ARHGEF10L: variants seen among roughly 807,000 people sequenced by gnomAD.
ARHGEF10L encodes the protein Rho guanine nucleotide exchange factor 10 like, also known as rho guanine nucleotide exchange factor 10-like protein.
In ARHGEF10L, 69 loss-of-function variants were observed where a neutral mutation model predicts 141.2. That is an observed-to-expected ratio of 0.49 (90% CI 0.40 to 0.60). The LOEUF is 0.60. Among genes scored for constraint, ARHGEF10L ranks in the 20% least tolerant of loss-of-function variants. The probability of loss-of-function intolerance (pLI) is 0.00; values close to 1 mark genes in which losing one functional copy is unlikely to be tolerated. For missense variants in ARHGEF10L, 1,482 were observed against 1,734.3 expected, an observed-to-expected ratio of 0.85 and a Z score of 2.58; for synonymous variants, 711 against 718.5, an observed-to-expected ratio of 0.99 and a Z score of 0.17.
In ARHGEF10L at chr1:17,619,026, G is replaced by A. The variant is rs1331676152; in HGVS notation, c.836-313G>A. ...AGGCCAGAGCGGGCGGGCCTGAGCAGGGACAGTGGCTTCTGGCAGCATGGA... is the reference window on the plus strand; with the variant it reads ...AGGCCAGAGCGGGCGGGCCTGAGCAAGGACAGTGGCTTCTGGCAGCATGGA... On this transcript the variant is annotated intron_variant, in intron 9 of 28. Transcript: ENST00000361221. The surrounding 1 kb of genome is among the most constrained non-coding windows in gnomAD (Gnocchi z 5.0). Among the ~76,000 whole-genome samples, 3 of 152,232 alleles carry A rather than the reference G, an allele frequency of 2.0e-5. No homozygotes were observed. Among genetic ancestry groups the A allele is most frequent in the African/African-American group, 7.2e-5 (3 of 41,460 alleles).
At chr1:17,686,647 G>A (rs2064626952) in intron 26 of ARHGEF10L, among the ~76,000 whole-genome samples, 1 of 152,200 alleles carries the variant, frequency 6.6e-6, no homozygotes, top group South Asian at 2.1e-4. Flanking sequence ...GGGTGCGGCT[G>A]TGTGGTACAT....
chr1:17,615,849 C>T lies in ARHGEF10L; in HGVS notation c.727-245C>T. On this transcript the variant is annotated intron_variant, in intron 8 of 28. Coordinates refer to ENST00000361221, the MANE Select transcript of ARHGEF10L (RefSeq NM_018125.4). This position sits in a 1 kb window ranked among gnomAD's most constrained non-coding sequence, Gnocchi z 4.7. ...ATCTCCTGGATTAGAAATCTGCTCA[C>T]ATAGTCTGTCCTGAAAGGAAAAAAA... is the stretch of plus-strand genomic sequence containing the variant. The T allele has an allele frequency of 2.2e-6, 1 of 447,688 alleles. No homozygotes were observed. Among genetic ancestry groups the T allele is most frequent in the Non-Finnish European group, 4.1e-6 (1 of 242,518 alleles). The allele number at this position is 447,688 out of a possible 1,614,324, so 27.7% of individuals were successfully genotyped here.
rs1346992932 is a variant in ARHGEF10L at position 17,622,994 on chromosome 1, A to G, written c.1021-2A>G. ...GCGGCCTCACCCCGCCCTCCCCGGC[A>G]GGACTACCGCAACCCCCTGATGGAG... On this transcript the variant is annotated splice_acceptor_variant, in intron 11 of 28. Coordinates refer to ENST00000361221, the MANE Select transcript of ARHGEF10L (RefSeq NM_018125.4). LOFTEE classifies it high-confidence loss of function. 1 of 1,611,036 alleles carries G rather than the reference A, an allele frequency of 6.2e-7. No individual in the cohort carries two copies. The highest frequency in any genetic ancestry group is 8.5e-7 in the Non-Finnish European group (1 of 1,179,160).
chr1:17,519,399 C>T, the ARHGEF10L span, among the ~76,000 whole-genome samples: 7 of 151,458 alleles, frequency 4.6e-5, no homozygotes, highest in African/African-American at 1.7e-4. Context: ...CACTTGAACC[C>T]AGGAGTTCGA....
rs890570022 is a variant in ARHGEF10L at position 17,619,873 on chromosome 1, C to A, written c.942+428C>A. Among the ~76,000 whole-genome samples the A allele has an allele frequency of 1.3e-5, 2 of 152,218 alleles. No individual in the cohort carries two copies. Among genetic ancestry groups the A allele is most frequent in the South Asian group, 4.2e-4 (2 of 4,814 alleles). On this transcript the variant is annotated intron_variant, in intron 10 of 28. Coordinates refer to ENST00000361221, the MANE Select transcript of ARHGEF10L (RefSeq NM_018125.4). This position sits in a 1 kb window ranked among gnomAD's most constrained non-coding sequence, Gnocchi z 5.0. Reference sequence around the variant, plus strand: ...GCCTCAGAGCTGCCACAAGCTCCCACCAGGAACTGAGGCTCTTTAAGAATG... The same window carrying A: ...GCCTCAGAGCTGCCACAAGCTCCCAACAGGAACTGAGGCTCTTTAAGAATG...
At chr1:17,592,862 C>T (rs767047214) in intron 4 of ARHGEF10L, among the ~76,000 whole-genome samples, 10 of 152,300 alleles carry the variant, frequency 6.6e-5, no homozygotes, top group South Asian at 4.1e-4. Context: ...ACCGGCTCTC[C>T]GCCCATGGAG....
rs1027618290 is a variant in ARHGEF10L, at chr1:17,684,154, T to C, written c.3010-3419T>C. Among the ~76,000 whole-genome samples, 9 of 152,338 alleles carry C rather than the reference T, an allele frequency of 5.9e-5. 1 individual carries two copies. In the South Asian group the frequency reaches 1.5e-3, roughly 25 times the overall value. Reference sequence around the variant, plus strand: ...GACAGCAGGTGCTGAAGGGGTCCCCTTGGCCTCACTGTCCTCATCTGTGAT... The same window carrying C: ...GACAGCAGGTGCTGAAGGGGTCCCCCTGGCCTCACTGTCCTCATCTGTGAT... On this transcript the variant is annotated intron_variant, in intron 26 of 28. Coordinates refer to ENST00000361221, the MANE Select transcript of ARHGEF10L (RefSeq NM_018125.4).
chr1:17,603,545 G>A lies in ARHGEF10L; in HGVS notation c.387G>A (p.Val129=). The part of the protein sequence containing the change: ...RFTFPALEED[V]IYDDVPCESP... The stretch of plus-strand genomic sequence containing the variant: ...CTTTCCCCGCCCTGGAAGAGGATGT[G>A]ATTTATGACGACGTCCCCTGCGAGA... The change falls in exon 6 of 29, where the codon GTG becomes GTA. Residue 129 remains valine (V), a synonymous_variant. Transcript: ENST00000361221. The surrounding 1 kb of genome is among the most constrained non-coding windows in gnomAD (Gnocchi z 4.8). The A allele has an allele frequency of 6.2e-7, 1 of 1,613,796 alleles. No individual in the cohort carries two copies.
intron 1 of ARHGEF10L, among the ~76,000 whole-genome samples, chr1:17,548,272 A>G (rs1439377692): frequency 2.0e-5 from 3 of 152,208 alleles, no homozygotes; most frequent in Non-Finnish European, 1.5e-5. Context: ...TACTATATAT[A>G]TGTATTTTTT....
Position 17,655,900 on chromosome 1 carries a change from G to T in ARHGEF10L, c.2503G>T (p.Ala835Ser), listed in dbSNP as rs763005960. Residue 835 changes from alanine to serine, a missense_variant, in exon 24 of 29, where the codon GCA becomes TCA. Ala to Ser is a moderately conservative substitution (Grantham distance 99). This residue lies in a region of ARHGEF10L where 858 missense variants were observed against 966.3 expected (regional missense o/e 0.89). Transcript: ENST00000361221. ...CCAGGTCGGGGGCGGACAGGAAGGC[G>T]CAGGGGGCCAGGTGGAAATCTTTTC... is the stretch of plus-strand genomic sequence containing the variant. ...YLWVGGGQEGAGGQVEIFSLN... is the reference protein window; with the variant it reads ...YLWVGGGQEGSGGQVEIFSLN... 3.2e-6 allele frequency: 5 copies of T among 1,555,180 alleles called. No homozygotes were observed. The highest frequency in any genetic ancestry group is 4.4e-6 in the Non-Finnish European group (5 of 1,149,256).
At chr1:17,520,497 G>A in the ARHGEF10L span, among the ~76,000 whole-genome samples, 10 of 152,184 alleles carry the variant, frequency 6.6e-5, no homozygotes, top group Non-Finnish European at 1.5e-5. Flanking sequence ...TCTGCCCCTC[G>A]CTAAATTGGA....
chr1:17,609,469 T>C (rs2059429876), intron 7 of ARHGEF10L, among the ~76,000 whole-genome samples: 1 of 152,156 alleles, frequency 6.6e-6, no homozygotes, highest in African/African-American at 2.4e-5. Context: ...ACGGGATACA[T>C]TGGAACAGGA....
intron 11 of ARHGEF10L, among the ~76,000 whole-genome samples, chr1:17,622,600 T>C (rs1467226793): frequency 1.3e-5 from 2 of 152,066 alleles, no homozygotes; most frequent in Admixed American, 6.5e-5. Flanking sequence ...GAGATGAATA[T>C]ATCACCTGTC....
intron 21 of ARHGEF10L, among the ~76,000 whole-genome samples, chr1:17,642,105 CAGAG>C (rs768648355): frequency 1.3e-5 from 2 of 151,908 alleles, no homozygotes; most frequent in African/African-American, 2.4e-5. Flanking sequence ...ATGACAAAAA[CAGAG>C]AGATCTCTGC....
At position 17,656,707 on chromosome 1, in the gene ARHGEF10L, C is replaced by A. The variant is rs374844353; in HGVS notation, c.2859C>A (p.Ser953Arg). The A allele has an allele frequency of 2.5e-6, 4 of 1,611,258 alleles. No homozygotes were observed. The East Asian group carries it at 6.7e-5, about 27-fold the overall frequency. The change falls in exon 25 of 29, where the codon AGC becomes AGA. Residue 953 changes from serine (S) to arginine (R), a missense_variant and splice_region_variant. Physicochemically the swap from Ser to Arg is moderately radical, Grantham distance 110. Transcript: ENST00000361221. This position sits in a 1 kb window ranked among gnomAD's most constrained non-coding sequence, Gnocchi z 4.9. ...CCCTTGCTGCTTACCCTCGGACCAG[C>A]GGTGAGGACTGGGGGGAATGGGGGA... ...DGTLAAYPRTSGGVLWDLESP... is the reference protein window; with the variant it reads ...DGTLAAYPRTRGGVLWDLESP...
At chr1:17,577,852 C>T (rs773227769) in intron 1 of ARHGEF10L, among the ~76,000 whole-genome samples, 7 of 152,134 alleles carry the variant, frequency 4.6e-5, no homozygotes, top group Non-Finnish European at 7.3e-5. Context: ...TGGGGTGTTA[C>T]GAGAATTAGA....
At chr1:17,552,571 G>GTTTTTT (rs34766409) in intron 1 of ARHGEF10L, among the ~76,000 whole-genome samples, 12 of 44,932 alleles carry the variant, frequency 2.7e-4, no homozygotes, top group East Asian at 1.4e-3. Flanking sequence ...GCTAATTTTC[G>GTTTTTT]TTTTTTTTTT....
chr1:17,543,594 AT>A (rs957012412), intron 1 of ARHGEF10L, among the ~76,000 whole-genome samples: 6 of 151,802 alleles, frequency 4.0e-5, no homozygotes, highest in African/African-American at 9.7e-5. Flanking sequence ...AAAAAAAAAA[AT>A]TTTTTTTGAG....
chr1:17,665,386 C>G lies in ARHGEF10L; in HGVS notation c.3009+791C>G, dbSNP rs1204590943. 3.9e-5 allele frequency among the ~76,000 whole-genome samples: 6 copies of G among 152,112 alleles called. No individual in the cohort carries two copies. In the East Asian group the frequency reaches 1.2e-3, roughly 29 times the overall value. On this transcript the variant is annotated intron_variant, in intron 26 of 28. Coordinates refer to ENST00000361221, the MANE Select transcript of ARHGEF10L (RefSeq NM_018125.4). The stretch of plus-strand genomic sequence containing the variant: ...GTGGAGTCCTGGGATCTTAAGAGCA[C>G]AGATGATCAGGGCTGGGCTCCAGAT...
Sources: gnomAD v4.1 joint callset for allele counts (sites outside exome capture counted in the v4.1 genomes callset) on GRCh38, gnomAD v4.1.1 for gene constraint, gnomAD v4.1.1 regional missense constraint, Gnocchi (gnomAD v3.1) non-coding constraint, MANE v1.5 for transcripts, NCBI Gene and HGNC (gene_info 2026-07-23, HGNC 2026-07-21) for gene names.